The following ZNF91 variants were observed in gnomAD, a reference collection of about 807,000 sequenced individuals.
The protein encoded by ZNF91 is zinc finger protein 91, also known as zinc finger protein 91 (HPF7, HTF10).
Under a neutral mutation model 12.6 loss-of-function variants are expected in ZNF91, and 7 were observed. The ratio of observed to expected loss-of-function variants is 0.55; its 90% CI spans 0.31 to 1.04. The LOEUF (loss-of-function observed/expected upper bound fraction) is 1.04, where lower values mean the gene tolerates loss of function less well. ZNF91 is among the 50% of genes least tolerant of loss of function. ZNF91 has a pLI of 0.05. For missense variants in ZNF91, 1,217 were observed against 1,385.4 expected, an observed-to-expected ratio of 0.88 and a Z score of 1.93; for synonymous variants, 453 against 462.6, an observed-to-expected ratio of 0.98 and a Z score of 0.27.
At position 23,360,517 on chromosome 19, in the gene ZNF91, G is replaced by T; in HGVS notation, c.2462C>A (p.Thr821Asn). ...STLTKHKTIH[T>N]GEKPYKCKEC... Reference sequence around the variant, plus strand: ...TTTACATTTGTAGGGTTTCTCTCCAGTATGAATTGTCTTATGCTTAGTAAG... The same window carrying T: ...TTTACATTTGTAGGGTTTCTCTCCATTATGAATTGTCTTATGCTTAGTAAG... The change falls in exon 4 of 4, where the codon ACT becomes AAT. Residue 821 changes from threonine (T) to asparagine (N), a missense_variant. Physicochemically the swap from Thr to Asn is moderately conservative, Grantham distance 65. Around this residue, in one of 2 missense-constraint regions of ZNF91, gnomAD observed 491 missense variants for 489.8 expected, o/e 1.00. Coordinates refer to ENST00000300619, the MANE Select transcript of ZNF91 (RefSeq NM_003430.4). The T allele has an allele frequency of 6.2e-7, 1 of 1,613,752 alleles. No individual in the cohort carries two copies. Among genetic ancestry groups the T allele is most frequent in the Non-Finnish European group, 8.5e-7 (1 of 1,179,936 alleles).
intron 1 of ZNF91, among the ~76,000 whole-genome samples, chr19:23,393,070 G>A (rs1026244517): frequency 1.3e-5 from 2 of 151,090 alleles, no homozygotes; most frequent in Non-Finnish European, 3.0e-5. Context: ...TTTGTTTTTT[G>A]TCTTTTGGAG....
In ZNF91 at chr19:23,362,014, T is replaced by C. The variant is rs1968803398; in HGVS notation, c.965A>G (p.Tyr322Cys). The C allele has an allele frequency of 1.2e-6, 2 of 1,613,910 alleles. No homozygotes were observed. Among genetic ancestry groups the C allele is most frequent in the South Asian group, 1.1e-5 (1 of 91,076 alleles). The change falls in exon 4 of 4, where the codon TAC becomes TGC. Residue 322 changes from tyrosine (Y) to cysteine (C), a missense_variant. Tyr to Cys is a radical substitution (Grantham distance 194, BLOSUM62 -2). Transcript: ENST00000300619. ...AGCTTTGCCACATTCTTCACATTTG[T>C]AGGGTTTCTCTCCAGTATGAATTCT... ...HKRIHTGEKP[Y>C]KCEECGKAFS...
intron 3 of ZNF91, among the ~76,000 whole-genome samples, chr19:23,370,589 A>G (rs2145088524): frequency 6.6e-6 from 1 of 152,160 alleles, no homozygotes; most frequent in East Asian, 1.9e-4. Flanking sequence ...GCAGCCTTAC[A>G]CTCCCAGGCT....
chr19:23,388,136 C>A (rs906766691), intron 1 of ZNF91, among the ~76,000 whole-genome samples: 6 of 151,932 alleles, frequency 3.9e-5, no homozygotes, highest in Admixed American at 2.6e-4. Flanking sequence ...ATCACAGCTA[C>A]TCAGGAGGCT....
chr19:23,374,761 G>A lies in ZNF91; in HGVS notation c.34C>T (p.Leu12=). The A allele has an allele frequency of 1.2e-6, 2 of 1,610,248 alleles. No individual in the cohort carries two copies. Among genetic ancestry groups the A allele is most frequent in the Non-Finnish European group, 1.7e-6 (2 of 1,177,956 alleles). Reference sequence around the variant, plus strand: ...ATGGCCACATCCCTAAATGTCAACAGTCCCTGAAAAACACACACAAACACA... The same window carrying A: ...ATGGCCACATCCCTAAATGTCAACAATCCCTGAAAAACACACACAAACACA... The part of the protein sequence containing the change: ...PGTPGSLEMG[L]LTFRDVAIEF... The change falls in exon 2 of 4, where the codon CTG becomes TTG. Residue 12 remains leucine, a synonymous_variant. Coordinates refer to ENST00000300619, the MANE Select transcript of ZNF91 (RefSeq NM_003430.4).
chr19:23,352,929 A>T (rs1009875153), downstream of ZNF91, among the ~76,000 whole-genome samples: 1 of 152,198 alleles, frequency 6.6e-6, no homozygotes, highest in African/African-American at 2.4e-5. Flanking sequence ...ACATATATGC[A>T]CCTAACACTG....
intron 1 of ZNF91, among the ~76,000 whole-genome samples, chr19:23,389,414 A>C (rs1031246015): frequency 7.0e-4 from 107 of 152,258 alleles, no homozygotes; most frequent in African/African-American, 1.8e-3. Context: ...AAAAAAAAAA[A>C]AAAACACTAG....
In ZNF91 at chr19:23,361,814, G is replaced by A. The variant is rs1243435859; in HGVS notation, c.1165C>T (p.Arg389Ter). Residue 389 changes from arginine (R) to a stop codon, truncating the protein, a stop_gained, in exon 4 of 4, where the codon CGA (arginine) becomes TGA (stop). Coordinates refer to ENST00000300619, the MANE Select transcript of ZNF91 (RefSeq NM_003430.4). LOFTEE classifies it low-confidence loss of function (END_TRUNC). ...TTATGTTTAGTAAGGGTTGAGAGTC[G>A]CTTAAAAGCTTTGTCACATTCTTTA... ...KCKECDKAFK[R>*]LSTLTKHKII... 5.0e-6 allele frequency: 8 copies of A among 1,607,876 alleles called. No individual in the cohort carries two copies. The highest frequency in any genetic ancestry group is 1.3e-5 in the African/African-American group (1 of 74,224).
chr19:23,367,563 T>C (rs1306827337), intron 3 of ZNF91, among the ~76,000 whole-genome samples: 1 of 152,174 alleles, frequency 6.6e-6, no homozygotes, highest in African/African-American at 2.4e-5. Context: ...CTGTTTGAGA[T>C]GTTAAAATTT....
chr19:23,322,403 C>T (rs879526697), intron 1 of ZNF91, among the ~76,000 whole-genome samples: 5 of 152,182 alleles, frequency 3.3e-5, no homozygotes, highest in Non-Finnish European at 4.4e-5. Context: ...TCTCTACTTT[C>T]TCCTAGGCAC....
downstream of ZNF91, among the ~76,000 whole-genome samples, chr19:23,334,257 A>T (rs1568371359): frequency 6.6e-6 from 1 of 152,178 alleles, no homozygotes; most frequent in Non-Finnish European, 1.5e-5. Flanking sequence ...TGTTGTGTAG[A>T]GTTGGCATGA....
intron 1 of ZNF91, among the ~76,000 whole-genome samples, chr19:23,377,586 T>C (rs1969549173): frequency 6.6e-6 from 1 of 152,112 alleles, no homozygotes; most frequent in Non-Finnish European, 1.5e-5. Flanking sequence ...TAGCATTTGT[T>C]AGAAAAATGA....
At chr19:23,355,345 T>C (rs1968459630), downstream of ZNF91, among the ~76,000 whole-genome samples, 1 of 151,898 alleles carries the variant, frequency 6.6e-6, no homozygotes, top group Non-Finnish European at 1.5e-5. Context: ...AACAAAAACA[T>C]AAAGTGGGGA....
At chr19:23,321,192 G>A (rs1279263146) in intron 1 of ZNF91, among the ~76,000 whole-genome samples, 4 of 152,152 alleles carry the variant, frequency 2.6e-5, no homozygotes, top group Admixed American at 6.6e-5. Context: ...TGACTCTCCT[G>A]CCTGGGCTTC....
At chr19:23,391,662 C>T (rs1970068039) in intron 1 of ZNF91, among the ~76,000 whole-genome samples, 2 of 152,022 alleles carry the variant, frequency 1.3e-5, no homozygotes, top group Non-Finnish European at 2.9e-5. Context: ...TCAGTAAGAC[C>T]CTCCCAATAC....
intron 3 of ZNF91, among the ~76,000 whole-genome samples, chr19:23,341,295 C>T (rs777263826): frequency 6.6e-5 from 10 of 152,100 alleles, no homozygotes; most frequent in East Asian, 1.9e-4. Context: ...ATGACCTGCC[C>T]GCCTCTACCT....
chr19:23,362,856 C>G, intron 3 of ZNF91, 131 bp from the exon 4 acceptor site: 1 of 1,219,610 alleles, frequency 8.2e-7, no homozygotes, highest in Non-Finnish European at 1.0e-6. Context: ...ACCACAGGCC[C>G]TAATTCTATT....
rs1968839075 is a variant in ZNF91, at chr19:23,362,406, A to G, written c.573T>C (p.Phe191=). 6.2e-7 allele frequency: 1 copy of G among 1,614,068 alleles called. No individual in the cohort carries two copies. Among genetic ancestry groups the G allele is most frequent in the Non-Finnish European group, 8.5e-7 (1 of 1,179,992 alleles). Residue 191 remains phenylalanine, a synonymous_variant, in exon 4 of 4, where the codon TTT becomes TTC. Transcript: ENST00000300619. ...GTTGGGTTTTGTGTAAACGGATGCAAAATGACTTGACACATTTTTTACATT... is the reference window on the plus strand; with the variant it reads ...GTTGGGTTTTGTGTAAACGGATGCAGAATGACTTGACACATTTTTTACATT... ...CFKCKKCVKS[F]CIRLHKTQHK...
At chr19:23,364,100 C>G (rs940568505) in intron 3 of ZNF91, among the ~76,000 whole-genome samples, 3 of 152,186 alleles carry the variant, frequency 2.0e-5, no homozygotes, top group Non-Finnish European at 4.4e-5. Flanking sequence ...GGACAGATCA[C>G]CTAAGGTCAG....
Sources: allele counts gnomAD v4.1 joint callset (sites outside exome capture counted in the v4.1 genomes callset), GRCh38; gene constraint gnomAD v4.1.1; regional missense constraint gnomAD v4.1.1; transcripts MANE v1.5; gene names NCBI Gene and HGNC (gene_info 2026-07-23, HGNC 2026-07-21).